MTCL1: variants seen among roughly 807,000 people sequenced by gnomAD.
MTCL1 encodes microtubule cross-linking factor 1.
In MTCL1, 79 loss-of-function variants were observed where a neutral mutation model predicts 141.4. That is an observed-to-expected ratio of 0.56 (90% CI 0.47 to 0.67). The LOEUF is 0.67. Ranked by LOEUF, MTCL1 falls within the 30% of genes least tolerant of loss-of-function variation. MTCL1 has a pLI of 0.00. For synonymous variants in MTCL1, 914 were observed against 875.8 expected, an observed-to-expected ratio of 1.04 and a Z score of -0.77; for missense variants, 2,177 against 2,113.9, an observed-to-expected ratio of 1.03 and a Z score of -0.59.
At chr18:8,709,956 C>T (rs1461118269) in intron 1 of MTCL1, among the ~76,000 whole-genome samples, 1 of 152,170 alleles carries the variant, frequency 6.6e-6, no homozygotes, top group East Asian at 1.9e-4. Flanking sequence ...TCTCCTGCCT[C>T]AGCCTCCGGA....
chr18:8,729,438 CTG>C (rs2096238660), intron 4 of MTCL1, among the ~76,000 whole-genome samples: 1 of 151,900 alleles, frequency 6.6e-6, no homozygotes, highest in Non-Finnish European at 1.5e-5. Context: ...GGGTCTCCCT[CTG>C]TCACCCAGAT....
At chr18:8,798,521 A>G (rs1489797394) in intron 10 of MTCL1, among the ~76,000 whole-genome samples, 4 of 152,178 alleles carry the variant, frequency 2.6e-5, no homozygotes, top group Admixed American at 6.5e-5. Context: ...GTTGCCATAT[A>G]AATAAGGACT....
intron 4 of MTCL1, among the ~76,000 whole-genome samples, chr18:8,752,020 A>T (rs2096374293): frequency 6.6e-6 from 1 of 152,220 alleles, no homozygotes; most frequent in South Asian, 2.1e-4. Context: ...AAGGCCCCAG[A>T]GGGATATTTG....
At chr18:8,736,390 A>G (rs1207909741) in intron 4 of MTCL1, among the ~76,000 whole-genome samples, 3 of 152,330 alleles carry the variant, frequency 2.0e-5, no homozygotes, top group African/African-American at 4.8e-5. Flanking sequence ...ACTGAATGTC[A>G]TAGCTCAGCC....
intron 4 of MTCL1, among the ~76,000 whole-genome samples, chr18:8,742,284 G>GCTCTCCCTCTCTCCCT (rs372103839): frequency 4.4e-4 from 67 of 152,208 alleles, no homozygotes; most frequent in African/African-American, 1.5e-3. Flanking sequence ...TCCCTCTCCT[G>GCTCTCCCTCTCTCCCT]CTCTCCCTCT....
chr18:8,765,524 G>A (rs926239120), intron 4 of MTCL1, among the ~76,000 whole-genome samples: 3 of 152,230 alleles, frequency 2.0e-5, no homozygotes, highest in Non-Finnish European at 2.9e-5. Context: ...CTTAACCTTC[G>A]CACACCTCCA....
At chr18:8,815,333 G>T (rs1316927683) in intron 12 of MTCL1, among the ~76,000 whole-genome samples, 1 of 151,952 alleles carries the variant, frequency 6.6e-6, no homozygotes, top group African/African-American at 2.4e-5. Flanking sequence ...GGACATGGAT[G>T]AAATTGGAAA....
At chr18:8,768,171 G>C (rs139153390) in intron 4 of MTCL1, among the ~76,000 whole-genome samples, 1 of 152,166 alleles carries the variant, frequency 6.6e-6, no homozygotes, top group Non-Finnish European at 1.5e-5. Context: ...CACACTGTAT[G>C]TTAACATTGT....
At chr18:8,765,439 G>A (rs2096455263) in intron 4 of MTCL1, among the ~76,000 whole-genome samples, 1 of 152,250 alleles carries the variant, frequency 6.6e-6, no homozygotes, top group Admixed American at 6.5e-5. Flanking sequence ...GTGTGCGCCA[G>A]AGGCAGCTGT....
intron 4 of MTCL1, among the ~76,000 whole-genome samples, chr18:8,774,742 C>T (rs1173630454): frequency 6.6e-6 from 1 of 152,242 alleles, no homozygotes; most frequent in Non-Finnish European, 1.5e-5. Flanking sequence ...CCCACTTCGG[C>T]CTCCCAAAGT....
At chr18:8,803,074 G>C (rs2076174380) in intron 10 of MTCL1, among the ~76,000 whole-genome samples, 1 of 151,772 alleles carries the variant, frequency 6.6e-6, no homozygotes, top group Admixed American at 6.6e-5. Flanking sequence ...TATTCTCTCA[G>C]GATGACTCAC....
intron 12 of MTCL1, among the ~76,000 whole-genome samples, chr18:8,815,087 A>G (rs2076607093): frequency 6.6e-6 from 1 of 152,174 alleles, no homozygotes; most frequent in Non-Finnish European, 1.5e-5. Flanking sequence ...ATCTAGAACT[A>G]GAAATATCAT....
intron 8 of MTCL1, 38 bp from the exon 8 acceptor site, chr18:8,796,194 T>C: frequency 6.2e-7 from 1 of 1,606,330 alleles, no homozygotes; most frequent in Non-Finnish European, 8.5e-7. Context: ...CGGATTGGAT[T>C]AGCTGCTTGT....
intron 4 of MTCL1, among the ~76,000 whole-genome samples, chr18:8,767,770 T>A (rs1416408990): frequency 6.6e-6 from 1 of 151,330 alleles, no homozygotes; most frequent in Non-Finnish European, 1.5e-5. Context: ...AAAAAAAAAA[T>A]TAATCTTGAC....
At position 8,779,484 on chromosome 18, in the gene MTCL1, C is replaced by G. The variant is rs1309664673; in HGVS notation, c.417+1592C>G. Reference sequence around the variant, plus strand: ...AAGATAAGATGGGCATCCAGCCTCCCGCTGCCTGAGCTGAAGCTGTGATTC... The same window carrying G: ...AAGATAAGATGGGCATCCAGCCTCCGGCTGCCTGAGCTGAAGCTGTGATTC... On this transcript the variant is annotated intron_variant, in intron 5 of 16. Coordinates refer to ENST00000359865, the Ensembl canonical transcript of MTCL1. The surrounding 1 kb of genome is among the most constrained non-coding windows in gnomAD (Gnocchi z 4.1). 6.6e-6 allele frequency among the ~76,000 whole-genome samples: 1 copy of G among 152,180 alleles called. No homozygotes were observed. Among genetic ancestry groups the G allele is most frequent in the Non-Finnish European group, 1.5e-5 (1 of 68,034 alleles).
At chr18:8,832,270 C>T (rs3744975) in exon 17 of MTCL1, 59,211 of 170,418 alleles carry the variant, frequency 0.35, 10,716 homozygotes, top group East Asian at 0.44. Context: ...CTGTTTTTTA[C>T]GAATTTTTTA....
chr18:8,777,921 C>T (rs770054024), intron 5 of MTCL1, 29 bp downstream of exon 4: 12 of 1,596,726 alleles, frequency 7.5e-6, no homozygotes, highest in Non-Finnish European at 9.4e-6. Flanking sequence ...TCTAATGTTA[C>T]ATCTCCTATA....
intron 4 of MTCL1, among the ~76,000 whole-genome samples, chr18:8,727,708 A>G (rs1399085836): frequency 6.6e-6 from 1 of 152,210 alleles, no homozygotes; most frequent in African/African-American, 2.4e-5. Flanking sequence ...AACAGAATGT[A>G]GCTACATTTT....
chr18:8,707,788 TG>T (rs375514943), intron 1 of MTCL1, among the ~76,000 whole-genome samples: 141 of 152,326 alleles, frequency 9.3e-4, no homozygotes, highest in African/African-American at 3.3e-3. Context: ...GCCCAGTTTT[TG>T]GCTAGTGAGA....
Sources: gnomAD v4.1 joint callset for allele counts (sites outside exome capture counted in the v4.1 genomes callset) on GRCh38, gnomAD v4.1.1 for gene constraint, Gnocchi (gnomAD v3.1) non-coding constraint, MANE v1.5 for transcripts, NCBI Gene and HGNC (gene_info 2026-07-23, HGNC 2026-07-21) for gene names.